The following PDZD7 variants were observed in gnomAD, a reference collection of about 807,000 sequenced individuals.
PDZD7 encodes the protein PDZ domain containing 7.
In PDZD7, 72 loss-of-function variants were observed where a neutral mutation model predicts 84.7. The ratio of observed to expected loss-of-function variants is 0.85; its 90% CI spans 0.70 to 1.03. The LOEUF is 1.03. Ranked by LOEUF, PDZD7 falls within the 50% of genes least tolerant of loss-of-function variation. The probability of loss-of-function intolerance (pLI) is 0.00; values close to 1 mark genes in which losing one functional copy is unlikely to be tolerated. For synonymous variants in PDZD7, 594 were observed against 580.7 expected (o/e 1.02, Z -0.33); for missense variants, 1,490 against 1,412.9 (o/e 1.05, Z -0.87).
chr10:101,011,888 G>C (rs1752423180), intron 13 of PDZD7, 37 bp downstream of exon 13: 1 of 1,549,270 alleles, frequency 6.5e-7, no homozygotes, highest in Non-Finnish European at 8.7e-7. Flanking sequence ...CCCCCAGCAG[G>C]GCTCAGGACC....
In PDZD7 at chr10:101,008,478, G is replaced by C; in HGVS notation, c.3091C>G (p.Arg1031Gly). Residue 1031 changes from arginine (R) to glycine (G), a missense_variant, in exon 17 of 17, where the codon CGC (arginine) becomes GGC (glycine). By Grantham distance (125) the Arg-to-Gly change is moderately radical (BLOSUM62 -2). Transcript: ENST00000619208. ...GGTTAGGGGGAGGGTCATGGGATGC[G>C]TGGGGAGGGTGCGGGCTTAGAATCA... ...TPDSKPAPSPRIP is the reference protein window; with the variant it reads ...TPDSKPAPSPGIP 15 of 1,517,668 alleles carry C rather than the reference G, an allele frequency of 9.9e-6. No homozygotes were observed. Among genetic ancestry groups the C allele is most frequent in the Non-Finnish European group, 1.3e-5 (15 of 1,136,838 alleles). The allele number at this position is 1,517,668 out of a possible 1,614,324, so 94.0% of individuals were successfully genotyped here.
chr10:101,014,267 G>A (rs992849411), intron 11 of PDZD7, among the ~76,000 whole-genome samples: 14 of 152,148 alleles, frequency 9.2e-5, no homozygotes, highest in African/African-American at 2.9e-4. Flanking sequence ...GTCACTAGGA[G>A]AACTTTACTC....
intron 10 of PDZD7, 93 bp from the exon 11 acceptor site, chr10:101,015,904 G>A (rs1197841605): frequency 8.8e-6 from 12 of 1,366,410 alleles, no homozygotes; most frequent in Non-Finnish European, 1.2e-5. Flanking sequence ...AGGTACCTGG[G>A]GCAGAATCCT....
At chr10:101,011,110 G>A in intron 14 of PDZD7, 2 of 1,357,692 alleles carry the variant, frequency 1.5e-6, no homozygotes, top group Non-Finnish European at 9.6e-7. Flanking sequence ...GCGCGATTTT[G>A]GCTCACTGCA....
chr10:101,007,807 A>G lies in PDZD7; in HGVS notation c.*660T>C. On this transcript the variant is annotated 3_prime_UTR_variant, in exon 17 of 17. Coordinates refer to ENST00000619208, the MANE Select transcript of PDZD7 (RefSeq NM_001195263.2). ...TTTCTTGTACAAACCCAAAGAAAAA[A>G]TTAAAAAAAATTTTTTTGTTTAAAA... is the stretch of plus-strand genomic sequence containing the variant. 3.0e-6 allele frequency: 1 copy of G among 336,090 alleles called. No homozygotes were observed. Among genetic ancestry groups the G allele is most frequent in the Non-Finnish European group, 4.2e-6 (1 of 235,378 alleles). 20.8% of individuals were successfully genotyped at this position (336,090 alleles called of 1,614,324 possible).
At position 101,008,650 on chromosome 10, in the gene PDZD7, G is replaced by C. The variant is rs756482267; in HGVS notation, c.2919C>G (p.His973Gln). 2.0e-6 allele frequency: 3 copies of C among 1,536,008 alleles called. No homozygotes were observed. Among genetic ancestry groups the C allele is most frequent in the African/African-American group, 1.4e-5 (1 of 72,974 alleles). Residue 973 changes from histidine (H) to glutamine (Q), a missense_variant, in exon 17 of 17, where the codon CAC (histidine) becomes CAG (glutamine). By Grantham distance (24) the His-to-Gln change is conservative. Coordinates refer to ENST00000619208, the MANE Select transcript of PDZD7 (RefSeq NM_001195263.2). The stretch of plus-strand genomic sequence containing the variant: ...CATCAAGGGGTTGGTGGGCAGGCAA[G>C]TGGTCAGCAGGAAGGCCCCCATCAG... The part of the protein sequence containing the change: ...ALTDGGLPAD[H>Q]LPAHQPLDAA...
chr10:101,029,046 C>A (rs1937890486), intron 2 of PDZD7, among the ~76,000 whole-genome samples: 1 of 152,202 alleles, frequency 6.6e-6, no homozygotes, highest in Non-Finnish European at 1.5e-5. Flanking sequence ...GGGAGCTCTG[C>A]TGGCTAAGAA....
chr10:101,013,866 T>A (rs1175758274), intron 11 of PDZD7, among the ~76,000 whole-genome samples: 1 of 150,904 alleles, frequency 6.6e-6, no homozygotes, highest in Non-Finnish European at 1.5e-5. Flanking sequence ...TTTTTTTTTT[T>A]TGAGATGGAT....
Position 101,017,853 on chromosome 10 carries a change from AAG to A in PDZD7, c.1522+244_1522+245del, listed in dbSNP as rs1272145696. On this transcript the variant is annotated intron_variant, in intron 9 of 16. Coordinates refer to ENST00000619208, the MANE Select transcript of PDZD7 (RefSeq NM_001195263.2). ...AAGGAAGGAAGGAAAGAAAGAAAGA[AAG>A]AAAGAAAGAAAGAAAGAAAGAAAGA... The A allele has an allele frequency of 6.6e-4, 242 of 367,994 alleles. 2 individuals are homozygous for A. In the African/African-American group the frequency reaches 8.1e-3, roughly 12 times the overall value. The allele number at this position is 367,994 out of a possible 1,614,324, so 22.8% of individuals were successfully genotyped here.
At chr10:101,017,846 A>AGAAAGAAAGAAAGAAAGAAAGAAAG (rs1852733949) in intron 9 of PDZD7, 7 of 325,612 alleles carry the variant, frequency 2.1e-5, no homozygotes, top group African/African-American at 1.7e-4. Context: ...AAGGAAAGAA[A>AGAAAGAAAGAAAGAAAGAAAGAAAG]GAAAGAAAGA....
rs1852763022 is a variant in PDZD7, at chr10:101,017,877, A to AAGAAAG, written c.1522+216_1522+221dup. The AAGAAAG allele has an allele frequency of 8.6e-5, 24 of 280,422 alleles. No individual in the cohort carries two copies. In the South Asian group the frequency reaches 1.1e-3, roughly 13 times the overall value. 17.4% of individuals were successfully genotyped at this position (280,422 alleles called of 1,614,324 possible). A position where few individuals can be genotyped will look rare whatever the true frequency, so the allele number is the denominator to read the frequency against. Reference sequence around the variant, plus strand: ...AAAGAAAGAAAGAAAGAAAGAAAGAAAGAAAGAAAGAAAGAAAAGAAAGAA... The same window carrying AAGAAAG: ...AAAGAAAGAAAGAAAGAAAGAAAGAAAGAAAGAGAAAGAAAGAAAGAAAAGAAAGAA... On this transcript the variant is annotated intron_variant, in intron 9 of 16. Transcript: ENST00000619208.
At chr10:101,009,215 C>T (rs1308781018) in intron 16 of PDZD7, 35 bp downstream of exon 16, 3 of 1,499,986 alleles carry the variant, frequency 2.0e-6, no homozygotes, top group Admixed American at 3.9e-5. Flanking sequence ...TTCAGCTGTG[C>T]TCTGAGAGGG....
At chr10:101,024,716 C>T (rs1437931079) in intron 2 of PDZD7, among the ~76,000 whole-genome samples, 16 of 150,502 alleles carry the variant, frequency 1.1e-4, no homozygotes, top group Non-Finnish European at 2.2e-4. Context: ...GCTGCAGTGA[C>T]CTGTGTTCAC....
intron 1 of PDZD7, 62 bp from the exon 2 acceptor site, chr10:101,030,446 C>T: frequency 4.5e-6 from 3 of 661,032 alleles, no homozygotes; most frequent in Admixed American, 4.2e-5. Flanking sequence ...CCCCCTAAAA[C>T]TTCCACCCCT....
At chr10:101,020,118 T>C (rs1852996050) in intron 7 of PDZD7, among the ~76,000 whole-genome samples, 1 of 151,000 alleles carries the variant, frequency 6.6e-6, no homozygotes, top group Non-Finnish European at 1.5e-5. Flanking sequence ...ATTATTATTA[T>C]TATTATTTTG....
rs1054390142 is a variant in PDZD7, at chr10:101,023,476, G to A, written c.502C>T (p.Arg168Cys). ...RLHMMVRRMGRVPGIKFSKEK... is the reference protein window; with the variant it reads ...RLHMMVRRMGCVPGIKFSKEK... ...TTGGAGAACTTGATGCCCGGCACACGGCCCATGCGCCGAACCATCATGTGC... is the reference window on the plus strand; with the variant it reads ...TTGGAGAACTTGATGCCCGGCACACAGCCCATGCGCCGAACCATCATGTGC... The change falls in exon 4 of 17, where the codon CGT becomes TGT. Residue 168 changes from arginine to cysteine, a missense_variant. Transcript: ENST00000619208. 2.5e-6 allele frequency: 4 copies of A among 1,614,074 alleles called. No individual in the cohort carries two copies. Among genetic ancestry groups the A allele is most frequent in the South Asian group, 1.1e-5 (1 of 91,086 alleles).
In PDZD7 at chr10:101,018,223, C is replaced by A. The variant is rs1274699785; in HGVS notation, c.1398G>T (p.Thr466=). The A allele has an allele frequency of 6.2e-7, 1 of 1,614,212 alleles. No homozygotes were observed. Among genetic ancestry groups the A allele is most frequent in the South Asian group, 1.1e-5 (1 of 91,082 alleles). ...CTCCCTTGAAGAAGAGGTTCATCAG[C>A]GTCTTGGAGCGCTGCAGGGCACCCT... The part of the protein sequence containing the change: ...GEKGALQRSK[T]LMNLFFKGGR... Residue 466 remains threonine (T), a synonymous_variant, in exon 9 of 17, where the codon ACG becomes ACT. Transcript: ENST00000619208.
chr10:101,014,399 A>G (rs796208701), intron 11 of PDZD7, among the ~76,000 whole-genome samples: 11 of 152,220 alleles, frequency 7.2e-5, no homozygotes, highest in African/African-American at 2.6e-4. Context: ...AGGTTTGGGC[A>G]GAGGAGAAGG....
intron 11 of PDZD7, among the ~76,000 whole-genome samples, chr10:101,014,712 C>T (rs1356384259): frequency 6.6e-6 from 1 of 150,818 alleles, no homozygotes; most frequent in Non-Finnish European, 1.5e-5. Context: ...CAGACACGTG[C>T]TTGCTCACAT....
Sources: allele counts gnomAD v4.1 joint callset (sites outside exome capture counted in the v4.1 genomes callset), GRCh38; gene constraint gnomAD v4.1.1; transcripts MANE v1.5; gene names NCBI Gene and HGNC (gene_info 2026-07-23, HGNC 2026-07-21).